FOCAD: variants seen among roughly 807,000 people sequenced by gnomAD.
FOCAD encodes the protein focadhesin.
A neutral mutation model predicts 225.6 loss-of-function variants in FOCAD; 198 were observed. That is an observed-to-expected ratio of 0.88 (90% confidence interval 0.78 to 0.99). The LOEUF (loss-of-function observed/expected upper bound fraction) is 0.99, where lower values mean the gene tolerates loss of function less well. Ranked by LOEUF, FOCAD falls within the 50% of genes least tolerant of loss-of-function variation. FOCAD has a pLI of 0.00. For missense variants in FOCAD, 2,713 were observed against 2,123.6 expected (o/e 1.28, Z -5.46); for synonymous variants, 897 against 755.0 (o/e 1.19, Z -3.08).
intron 35 of FOCAD, among the ~76,000 whole-genome samples, chr9:20,960,544 A>T (rs1838608747): frequency 6.6e-6 from 1 of 152,052 alleles, no homozygotes; most frequent in Admixed American, 6.5e-5. Context: ...TATTACTGTG[A>T]TGGTTGTCAA....
At chr9:20,767,314 A>G (rs1587082824) in intron 7 of FOCAD, among the ~76,000 whole-genome samples, 1 of 148,284 alleles carries the variant, frequency 6.7e-6, no homozygotes, top group East Asian at 1.9e-4. Flanking sequence ...TAGCAGCAAG[A>G]TTTATAGTCC....
chr9:20,842,264 A>G (rs145730280), intron 15 of FOCAD, among the ~76,000 whole-genome samples: 188 of 151,860 alleles, frequency 1.2e-3, no homozygotes, highest in Middle Eastern at 3.4e-3. Flanking sequence ...TATTAGGTCT[A>G]TTTGTTCTGT....
intron 1 of FOCAD, among the ~76,000 whole-genome samples, chr9:20,695,009 T>C (rs1823241907): frequency 1.3e-5 from 2 of 152,308 alleles, no homozygotes; most frequent in South Asian, 4.1e-4. Flanking sequence ...CCTCCACTCC[T>C]TTTTTCCCAT....
At chr9:20,721,159 TC>T (rs1825738901) in intron 4 of FOCAD, among the ~76,000 whole-genome samples, 1 of 152,200 alleles carries the variant, frequency 6.6e-6, no homozygotes, top group Non-Finnish European at 1.5e-5. Context: ...TATAAAATAC[TC>T]CCTGAAAAAG....
In FOCAD at chr9:20,869,014, G is replaced by T. The variant is rs557652734; in HGVS notation, c.2190+2002G>T. On this transcript the variant is annotated intron_variant, in intron 18 of 43. Coordinates refer to ENST00000338382, the MANE Select transcript of FOCAD (RefSeq NM_001375567.1). The stretch of plus-strand genomic sequence containing the variant: ...TTCAATGTGTTCATATCCCAAACAA[G>T]TTCCCAAACATACAGCCTGGTCGGT... Among the ~76,000 whole-genome samples, 7 of 152,272 alleles carry T rather than the reference G, an allele frequency of 4.6e-5. No homozygotes were observed. In the South Asian group the frequency reaches 1.5e-3, roughly 32 times the overall value.
chr9:20,769,058 G>A (rs1001664239), intron 7 of FOCAD, among the ~76,000 whole-genome samples: 4 of 152,004 alleles, frequency 2.6e-5, no homozygotes, highest in African/African-American at 7.2e-5. Context: ...TTTTAAATCC[G>A]TCTCTTCTCT....
chr9:20,755,545 G>A (rs1828972315), intron 5 of FOCAD, among the ~76,000 whole-genome samples: 1 of 152,142 alleles, frequency 6.6e-6, no homozygotes, highest in Non-Finnish European at 1.5e-5. Context: ...TTTTGGTGGG[G>A]TGTGAAGGAT....
In FOCAD at chr9:20,687,161, C is replaced by T. The variant is rs76743423; in HGVS notation, c.-33+2868C>T. On this transcript the variant is annotated intron_variant, in intron 1 of 43. Coordinates refer to ENST00000338382, the MANE Select transcript of FOCAD (RefSeq NM_001375567.1). Reference sequence around the variant, plus strand: ...TTGACTTTAAATACTGTATAGCTTTCCATTGTTCATGAAAGAAAACATTTC... The same window carrying T: ...TTGACTTTAAATACTGTATAGCTTTTCATTGTTCATGAAAGAAAACATTTC... Among the ~76,000 whole-genome samples, 1,214 of 152,170 alleles carry T rather than the reference C, an allele frequency of 8.0e-3. 17 individuals carry two copies. The highest frequency in any genetic ancestry group is 0.028 in the African/African-American group (1,143 of 41,514).
At position 20,923,788 on chromosome 9, in the gene FOCAD, A is replaced by G. The variant is rs780131430; in HGVS notation, c.2961+20A>G. 12 of 1,577,854 alleles carry G rather than the reference A, an allele frequency of 7.6e-6. No individual in the cohort carries two copies. The highest frequency in any genetic ancestry group is 1.1e-5 in the South Asian group (1 of 89,644). ...CTGGAGGTTAGTTGGGGTGATTTAAACAATTGGCTTTGATTATGTCTTTTT... is the reference window on the plus strand; with the variant it reads ...CTGGAGGTTAGTTGGGGTGATTTAAGCAATTGGCTTTGATTATGTCTTTTT... On this transcript the variant is annotated intron_variant, in intron 25 of 43. Transcript: ENST00000338382.
chr9:20,808,049 A>T (rs952342993), intron 11 of FOCAD, among the ~76,000 whole-genome samples: 8 of 147,248 alleles, frequency 5.4e-5, no homozygotes, highest in Non-Finnish European at 1.2e-4. Context: ...TCCGTCTAAG[A>T]AAAAAAAAAA....
chr9:20,906,565 G>A (rs910700530), intron 21 of FOCAD, among the ~76,000 whole-genome samples: 1 of 152,010 alleles, frequency 6.6e-6, no homozygotes, highest in Non-Finnish European at 1.5e-5. Context: ...AACAGGGTTT[G>A]CATGTTGGTA....
intron 2 of FOCAD, among the ~76,000 whole-genome samples, chr9:20,660,667 T>G (rs1821688758): frequency 6.6e-6 from 1 of 152,068 alleles, no homozygotes; most frequent in Non-Finnish European, 1.5e-5. Context: ...GCCAACAGTA[T>G]CAATGCCACA....
intron 11 of FOCAD, among the ~76,000 whole-genome samples, chr9:20,792,040 T>C (rs1820591048): frequency 6.6e-6 from 1 of 152,192 alleles, no homozygotes; most frequent in African/African-American, 2.4e-5. Flanking sequence ...TGGTAGCCTC[T>C]GGCCACCTGG....
chr9:20,948,805 C>G, intron 31 of FOCAD, 46 bp from the exon 32 acceptor site: 3 of 1,596,394 alleles, frequency 1.9e-6, no homozygotes, highest in Non-Finnish European at 2.6e-6. Flanking sequence ...GAATCTAAAC[C>G]CAAGGACTGA....
intron 15 of FOCAD, among the ~76,000 whole-genome samples, chr9:20,840,254 T>C (rs1826385032): frequency 1.3e-5 from 2 of 152,082 alleles, no homozygotes; most frequent in Non-Finnish European, 2.9e-5. Context: ...TTAAATAATG[T>C]GGACATTTTA....
At chr9:20,990,919 C>T (rs1203894630) in intron 42 of FOCAD, among the ~76,000 whole-genome samples, 3 of 152,152 alleles carry the variant, frequency 2.0e-5, no homozygotes, top group Admixed American at 1.3e-4. Flanking sequence ...ACCCAGTGTG[C>T]CCTGGTCTGT....
At chr9:20,662,650 G>T (rs12352933) in intron 2 of FOCAD, among the ~76,000 whole-genome samples, 35,536 of 151,686 alleles carry the variant, frequency 0.23, 4,380 homozygotes, top group African/African-American at 0.3. Context: ...TTAGAGGTGG[G>T]GGTCTCATTA....
At chr9:20,780,092 T>A (rs1224186219) in intron 9 of FOCAD, among the ~76,000 whole-genome samples, 1 of 152,176 alleles carries the variant, frequency 6.6e-6, no homozygotes, top group East Asian at 1.9e-4. Context: ...TGAGGTGTAA[T>A]TTACATACCA....
At chr9:20,711,551 A>G (rs1456671515) in intron 1 of FOCAD, among the ~76,000 whole-genome samples, 1 of 152,190 alleles carries the variant, frequency 6.6e-6, no homozygotes, top group Non-Finnish European at 1.5e-5. Context: ...ATGAGGAACT[A>G]AGATGATGAG....
Sources: allele counts gnomAD v4.1 joint callset (sites outside exome capture counted in the v4.1 genomes callset), GRCh38; gene constraint gnomAD v4.1.1; transcripts MANE v1.5; gene names NCBI Gene and HGNC (gene_info 2026-07-23, HGNC 2026-07-21).